SRSF4: variants seen among roughly 807,000 people sequenced by gnomAD.
The protein encoded by SRSF4 is serine/arginine-rich splicing factor 4.
In SRSF4, 12 loss-of-function variants were observed where a neutral mutation model predicts 48.8. The ratio of observed to expected loss-of-function variants is 0.25; its 90% CI spans 0.16 to 0.40. SRSF4 has a LOEUF of 0.40. Ranked by LOEUF, SRSF4 falls within the 10% of genes least tolerant of loss-of-function variation. SRSF4 has a pLI of 1.00. For synonymous variants in SRSF4, 248 were observed against 232.5 expected (o/e 1.07, Z -0.61); for missense variants, 466 against 667.1 (o/e 0.70, Z 3.32).
rs992858862 is a variant in SRSF4, at chr1:29,180,861, T to C, written c.107+785A>G. Reference sequence around the variant, plus strand: ...TCATACTCTGGGGGAGGCAGTAAGTTAACAATTTCGTCTCCGTCTGCGTTA... The same window carrying C: ...TCATACTCTGGGGGAGGCAGTAAGTCAACAATTTCGTCTCCGTCTGCGTTA... On this transcript the variant is annotated intron_variant, in intron 1 of 5. Coordinates refer to ENST00000373795, the MANE Select transcript of SRSF4 (RefSeq NM_005626.5). 3.9e-5 allele frequency among the ~76,000 whole-genome samples: 6 copies of C among 152,190 alleles called. No homozygotes were observed. The East Asian group carries it at 5.8e-4, about 15-fold the overall frequency.
chr1:29,168,168 C>T (rs1414048005), intron 1 of SRSF4, among the ~76,000 whole-genome samples: 1 of 151,428 alleles, frequency 6.6e-6, no homozygotes, highest in Non-Finnish European at 1.5e-5. Flanking sequence ...GTGTGCACCA[C>T]CATGCCCGGC....
At chr1:29,175,551 C>T (rs891911905) in intron 1 of SRSF4, among the ~76,000 whole-genome samples, 2 of 149,660 alleles carry the variant, frequency 1.3e-5, no homozygotes, top group African/African-American at 4.9e-5. Flanking sequence ...AAAAATTAGC[C>T]GGGAGCGGTG....
chr1:29,175,164 G>A (rs1449731440), intron 1 of SRSF4, among the ~76,000 whole-genome samples: 1 of 151,810 alleles, frequency 6.6e-6, no homozygotes, highest in East Asian at 2.0e-4. Context: ...GCTCACGCCT[G>A]TAATCCCAGC....
Position 29,156,322 on chromosome 1 carries a change from T to C in SRSF4, c.364-1412A>G, listed in dbSNP as rs1170336745. On this transcript the variant is annotated intron_variant, in intron 3 of 5. Coordinates refer to ENST00000373795, the MANE Select transcript of SRSF4 (RefSeq NM_005626.5). ...TGAGCGAGATTGTGCCACTGCATTCTAGCCCAGGCGACAGAGCAAGACCTT... is the reference window on the plus strand; with the variant it reads ...TGAGCGAGATTGTGCCACTGCATTCCAGCCCAGGCGACAGAGCAAGACCTT... Among the ~76,000 whole-genome samples, 3 of 149,184 alleles carry C rather than the reference T, an allele frequency of 2.0e-5. No individual in the cohort carries two copies. In the East Asian group the frequency reaches 5.8e-4, roughly 29 times the overall value.
intron 1 of SRSF4, among the ~76,000 whole-genome samples, chr1:29,176,216 C>T (rs1257636806): frequency 6.6e-6 from 1 of 152,024 alleles, no homozygotes; most frequent in Non-Finnish European, 1.5e-5. Context: ...TGTACCACTG[C>T]ACTCCAGCCT....
chr1:29,159,820 A>G (rs918733901), intron 2 of SRSF4: 1 of 166,510 alleles, frequency 6.0e-6, no homozygotes, highest in African/African-American at 2.8e-5. Context: ...GTGATTAAAC[A>G]TTTTGTGAAT....
intron 1 of SRSF4, among the ~76,000 whole-genome samples, chr1:29,177,812 C>T (rs990591987): frequency 6.6e-6 from 1 of 151,982 alleles, no homozygotes; most frequent in Non-Finnish European, 1.5e-5. Context: ...TCTCAGGGTC[C>T]ATAGAATCCT....
chr1:29,154,052 C>T (rs1423026895), intron 4 of SRSF4, among the ~76,000 whole-genome samples: 2 of 151,936 alleles, frequency 1.3e-5, no homozygotes, highest in South Asian at 2.1e-4. Flanking sequence ...ACGTGCGCCA[C>T]CACACCATTT....
intron 1 of SRSF4, among the ~76,000 whole-genome samples, chr1:29,161,678 A>C (rs535583994): frequency 4.2e-4 from 64 of 152,348 alleles, no homozygotes; most frequent in African/African-American, 1.5e-3. Flanking sequence ...AGCTCACTGC[A>C]ACCTCCACCT....
intron 1 of SRSF4, chr1:29,171,691 G>A (rs1019680091): frequency 6.6e-6 from 1 of 151,930 alleles, no homozygotes; most frequent in Non-Finnish European, 1.5e-5. Context: ...TTCTTCTGAG[G>A]AGCTCAAAGT....
intron 1 of SRSF4, among the ~76,000 whole-genome samples, chr1:29,176,769 A>T (rs1449602529): frequency 6.6e-6 from 1 of 152,188 alleles, no homozygotes; most frequent in Non-Finnish European, 1.5e-5. Flanking sequence ...ACAAGGGCGA[A>T]AACAAAAATT....
At position 29,181,861 on chromosome 1, in the gene SRSF4, G is replaced by GACGGACGCAGCCGAACCCCGGCGAC. The variant is rs1558396026; in HGVS notation, c.-134_-110dup. ...GGCGGCGGCAACGGGCGGGCGGCGG[G>GACGGACGCAGCCGAACCCCGGCGAC]ACGGACGCAGCCGAACCCCGGCGAC... is the stretch of plus-strand genomic sequence containing the variant. On this transcript the variant is annotated 5_prime_UTR_variant, in exon 1 of 6. Coordinates refer to ENST00000373795, the MANE Select transcript of SRSF4 (RefSeq NM_005626.5). 20 of 907,214 alleles carry GACGGACGCAGCCGAACCCCGGCGAC rather than the reference G, an allele frequency of 2.2e-5. No homozygotes were observed. The East Asian group carries it at 6.9e-4, about 31-fold the overall frequency. 56.2% of individuals were successfully genotyped at this position (907,214 alleles called of 1,614,324 possible). A position where few individuals can be genotyped will look rare whatever the true frequency, so the allele number is the denominator to read the frequency against.
At chr1:29,154,615 C>T (rs1252304364) in intron 4 of SRSF4, 81 bp downstream of exon 4, 3 of 1,370,264 alleles carry the variant, frequency 2.2e-6, no homozygotes, top group East Asian at 2.3e-5. Flanking sequence ...AAGAACTCAA[C>T]AGGAAAATGT....
chr1:29,177,825 C>T (rs1269291528), intron 1 of SRSF4, among the ~76,000 whole-genome samples: 1 of 151,910 alleles, frequency 6.6e-6, no homozygotes, highest in African/African-American at 2.4e-5. Context: ...AGAATCCTTT[C>T]CTGAACACTA....
intron 4 of SRSF4, among the ~76,000 whole-genome samples, chr1:29,150,501 TGATC>T (rs537282501): frequency 6.6e-6 from 1 of 152,092 alleles, no homozygotes; most frequent in African/African-American, 2.4e-5. Context: ...TGACCTCAGG[TGATC>T]CACCTGCCTC....
At chr1:29,158,656 G>A (rs922904568) in intron 3 of SRSF4, among the ~76,000 whole-genome samples, 3 of 152,042 alleles carry the variant, frequency 2.0e-5, no homozygotes, top group African/African-American at 7.2e-5. Context: ...GAGAAATTTC[G>A]TTATCACACA....
intron 1 of SRSF4, among the ~76,000 whole-genome samples, chr1:29,179,618 C>G (rs1339864923): frequency 1.3e-5 from 2 of 152,178 alleles, no homozygotes; most frequent in Non-Finnish European, 2.9e-5. Context: ...ATTGCAGGCA[C>G]AAGTCACCAT....
intron 4 of SRSF4, among the ~76,000 whole-genome samples, chr1:29,150,545 T>G (rs1230577277): frequency 1.3e-5 from 2 of 152,164 alleles, no homozygotes; most frequent in Admixed American, 6.5e-5. Flanking sequence ...ATTACAGGCA[T>G]GAGCCACCGT....
At chr1:29,162,693 G>A (rs1257561122) in intron 1 of SRSF4, among the ~76,000 whole-genome samples, 1 of 152,190 alleles carries the variant, frequency 6.6e-6, no homozygotes, top group Non-Finnish European at 1.5e-5. Context: ...TCATACTCTG[G>A]CTCGGCACTG....
Sources: allele counts gnomAD v4.1 joint callset (sites outside exome capture counted in the v4.1 genomes callset), GRCh38; gene constraint gnomAD v4.1.1; transcripts MANE v1.5; gene names NCBI Gene and HGNC (gene_info 2026-07-23, HGNC 2026-07-21).